Variants in GPC5 observed in about 807,000 individuals in gnomAD.
GPC5 encodes the protein glypican 5.
In GPC5, 47 loss-of-function variants were observed where a neutral mutation model predicts 53.9. The observed-to-expected ratio is 0.87, with a 90% CI of 0.69 to 1.11. GPC5 has a LOEUF of 1.11. GPC5 is among the 50% of genes most tolerant of loss of function. The pLI is 0.00. For synonymous variants in GPC5, 286 were observed against 263.3 expected (o/e 1.09, Z -0.84); for missense variants, 748 against 713.1 (o/e 1.05, Z -0.56).
chr13:92,105,695 A>G (rs1462324763), intron 6 of GPC5, among the ~76,000 whole-genome samples: 3 of 152,050 alleles, frequency 2.0e-5, no homozygotes, highest in African/African-American at 7.2e-5. Flanking sequence ...ACAAAAGTGA[A>G]AAAAATTATA....
At position 92,148,798 on chromosome 13, in the gene GPC5, G is replaced by A. The variant is rs146131243; in HGVS notation, c.1561+3809G>A. ...TTCTCTTCTTTTGGCCATGCAGAAC[G>A]AATCTAATATTAAAATCTATACTTC... On this transcript the variant is annotated intron_variant, in intron 7 of 7. Coordinates refer to ENST00000377067, the MANE Select transcript of GPC5 (RefSeq NM_004466.6). Among the ~76,000 whole-genome samples, 462 of 152,134 alleles carry A rather than the reference G, an allele frequency of 3.0e-3. 3 individuals are homozygous for A. Among genetic ancestry groups the A allele is most frequent in the African/African-American group, 0.011 (437 of 41,526 alleles).
intron 4 of GPC5, among the ~76,000 whole-genome samples, chr13:91,753,059 G>C (rs2037213248): frequency 6.6e-6 from 1 of 152,164 alleles, no homozygotes; most frequent in African/African-American, 2.4e-5. Flanking sequence ...TTAATTTGAT[G>C]ACTATTTATT....
intron 2 of GPC5, among the ~76,000 whole-genome samples, chr13:91,593,907 G>T (rs1011478565): frequency 1.8e-5 from 2 of 112,790 alleles, no homozygotes; most frequent in African/African-American, 3.4e-5. Context: ...CTCTCACAAA[G>T]AACTAAAAAA....
chr13:91,900,678 G>C (rs1270055297), intron 5 of GPC5, among the ~76,000 whole-genome samples: 1 of 151,948 alleles, frequency 6.6e-6, no homozygotes, highest in Non-Finnish European at 1.5e-5. Flanking sequence ...TCCTTTCTTG[G>C]TAAGATTGGG....
At chr13:92,788,190 T>A (rs951758887) in intron 7 of GPC5, among the ~76,000 whole-genome samples, 3 of 152,094 alleles carry the variant, frequency 2.0e-5, no homozygotes, top group Admixed American at 1.3e-4. Context: ...ATAATTTTTT[T>A]AAATGAAGAT....
At chr13:91,979,235 T>G (rs2138713399) in intron 6 of GPC5, among the ~76,000 whole-genome samples, 1 of 152,108 alleles carries the variant, frequency 6.6e-6, no homozygotes, top group East Asian at 1.9e-4. Flanking sequence ...TTTTTTTAAA[T>G]CTGTGTCATT....
intron 7 of GPC5, among the ~76,000 whole-genome samples, chr13:92,278,577 T>C (rs912425650): frequency 6.6e-6 from 1 of 152,062 alleles, no homozygotes; most frequent in Non-Finnish European, 1.5e-5. Flanking sequence ...TTTTTTCTTT[T>C]GTTGTTCATG....
At chr13:91,887,062 C>G (rs1465640538) in intron 5 of GPC5, among the ~76,000 whole-genome samples, 1 of 152,148 alleles carries the variant, frequency 6.6e-6, no homozygotes, top group Non-Finnish European at 1.5e-5. Context: ...CTCATGAGCC[C>G]CTGTGCCCCC....
At chr13:92,160,818 G>A (rs181040449) in intron 7 of GPC5, among the ~76,000 whole-genome samples, 5 of 152,252 alleles carry the variant, frequency 3.3e-5, no homozygotes, top group African/African-American at 1.2e-4. Flanking sequence ...AGAAGACGCA[G>A]CATGCCATTG....
At chr13:91,729,704 A>C (rs1039565109) in intron 4 of GPC5, among the ~76,000 whole-genome samples, 2 of 152,146 alleles carry the variant, frequency 1.3e-5, no homozygotes, top group Non-Finnish European at 2.9e-5. Context: ...TTTTTATCTA[A>C]ACACCTACAA....
intron 7 of GPC5, among the ~76,000 whole-genome samples, chr13:92,800,772 A>T (rs1183660242): frequency 6.6e-6 from 1 of 151,840 alleles, no homozygotes; most frequent in African/African-American, 2.4e-5. Context: ...AGAATAAGGG[A>T]TTAACTTTTG....
chr13:92,826,957 A>G (rs1052952844), intron 7 of GPC5, among the ~76,000 whole-genome samples: 9 of 152,110 alleles, frequency 5.9e-5, no homozygotes, highest in African/African-American at 2.2e-4. Flanking sequence ...CATTTCAAGT[A>G]TCTTTTCCCT....
chr13:91,846,429 GGTTATGGTTTA>G (rs541203334), intron 5 of GPC5, among the ~76,000 whole-genome samples: 5 of 151,754 alleles, frequency 3.3e-5, no homozygotes, highest in Non-Finnish European at 7.4e-5. Context: ...TTCTTTTATT[GGTTATGGTTTA>G]GTAACTTAGA....
At chr13:91,673,200 A>AT (rs1272083920) in intron 2 of GPC5, among the ~76,000 whole-genome samples, 3 of 151,740 alleles carry the variant, frequency 2.0e-5, no homozygotes, top group East Asian at 3.9e-4. Context: ...CTGTGGTTTT[A>AT]TTTTTTTTAG....
At chr13:92,759,667 A>C (rs535338331) in intron 7 of GPC5, among the ~76,000 whole-genome samples, 1 of 152,220 alleles carries the variant, frequency 6.6e-6, no homozygotes, top group Non-Finnish European at 1.5e-5. Flanking sequence ...AAATACAGAT[A>C]CTTTTATTTT....
chr13:91,907,909 G>A (rs770197708), intron 5 of GPC5, 28 bp from the exon 6 acceptor site: 1 of 1,591,818 alleles, frequency 6.3e-7, no homozygotes, highest in South Asian at 1.1e-5. Flanking sequence ...CAGGTACTAA[G>A]TCATATCTTT....
chr13:91,616,544 T>G (rs570679559), intron 2 of GPC5, among the ~76,000 whole-genome samples: 1 of 152,298 alleles, frequency 6.6e-6, no homozygotes, highest in African/African-American at 2.4e-5. Context: ...TATCTTATGT[T>G]CATTAAGGAC....
chr13:92,051,199 C>CTTTTTTTTT (rs72346282), intron 6 of GPC5, among the ~76,000 whole-genome samples: 92 of 73,838 alleles, frequency 1.2e-3, no homozygotes, highest in African/African-American at 3.0e-3. Flanking sequence ...TCATTTTTTT[C>CTTTTTTTTT]TTTTTTTTTT....
chr13:91,988,082 A>G (rs2040425541), intron 6 of GPC5, among the ~76,000 whole-genome samples: 1 of 148,744 alleles, frequency 6.7e-6, no homozygotes, highest in African/African-American at 2.5e-5. Context: ...ATTCTTCATA[A>G]TACTATATAA....
Sources: gnomAD v4.1 joint callset for allele counts (sites outside exome capture counted in the v4.1 genomes callset) on GRCh38, gnomAD v4.1.1 for gene constraint, MANE v1.5 for transcripts, NCBI Gene and HGNC (gene_info 2026-07-23, HGNC 2026-07-21) for gene names.